The following LRP1B variants were observed in gnomAD, a reference collection of about 807,000 sequenced individuals.
The protein encoded by LRP1B is low-density lipoprotein receptor-related protein 1B.
LRP1B carries 217 observed loss-of-function variants against 556.6 expected under a neutral mutation model. The observed-to-expected ratio is 0.39, with a 90% CI of 0.35 to 0.44. The LOEUF is 0.44. LRP1B is among the 20% of genes least tolerant of loss of function. The pLI is 1.00. For missense variants in LRP1B, 5,053 were observed against 5,620.8 expected (o/e 0.90, Z 3.23); for synonymous variants, 2,047 against 1,865.8 (o/e 1.10, Z -2.50).
chr2:141,114,701 G>A lies in LRP1B; in HGVS notation c.1014-52428C>T, dbSNP rs555892548. 1.4e-3 allele frequency among the ~76,000 whole-genome samples: 208 copies of A among 152,180 alleles called. 1 individual carries two copies. Among genetic ancestry groups the A allele is most frequent in the Non-Finnish European group, 2.5e-3 (168 of 68,006 alleles). On this transcript the variant is annotated intron_variant, in intron 7 of 90. Transcript: ENST00000389484. Reference sequence around the variant, plus strand: ...ACAGGAATGCCTCTTCCCATTTAGGGCCATGGGTTTCCAGGCTTGAAGGTG... The same window carrying A: ...ACAGGAATGCCTCTTCCCATTTAGGACCATGGGTTTCCAGGCTTGAAGGTG...
At chr2:141,577,746 T>G (rs1463760038) in intron 2 of LRP1B, among the ~76,000 whole-genome samples, 1 of 152,214 alleles carries the variant, frequency 6.6e-6, no homozygotes, top group Non-Finnish European at 1.5e-5. Context: ...TGTATTAAAT[T>G]GTACTTTTGT....
intron 1 of LRP1B, among the ~76,000 whole-genome samples, chr2:141,828,559 T>C (rs1697010182): frequency 6.6e-6 from 1 of 152,102 alleles, no homozygotes; most frequent in South Asian, 2.1e-4. Flanking sequence ...TCAGGGTGCT[T>C]CCTAAAATCA....
chr2:140,727,273 G>A (rs779850887), intron 35 of LRP1B, among the ~76,000 whole-genome samples: 13 of 152,106 alleles, frequency 8.5e-5, no homozygotes, highest in East Asian at 5.8e-4. Context: ...CAAAACAAAC[G>A]TATTTTTATG....
chr2:140,500,879 T>C (rs921905640), intron 55 of LRP1B, among the ~76,000 whole-genome samples: 2 of 151,952 alleles, frequency 1.3e-5, no homozygotes, highest in Admixed American at 6.6e-5. Context: ...TAATTTTCAT[T>C]AGACTGCCTG....
chr2:141,392,798 C>T (rs1690102216), intron 3 of LRP1B, among the ~76,000 whole-genome samples: 1 of 152,186 alleles, frequency 6.6e-6, no homozygotes, highest in African/African-American at 2.4e-5. Context: ...ATCTTTCAAT[C>T]TGTCGAGTCA....
chr2:140,349,259 T>C (rs1681846954), intron 77 of LRP1B, among the ~76,000 whole-genome samples: 1 of 152,112 alleles, frequency 6.6e-6, no homozygotes, highest in Non-Finnish European at 1.5e-5. Context: ...GACTTTTCTC[T>C]GAAAAATTAT....
chr2:141,297,998 A>G (rs1686247475), intron 3 of LRP1B, among the ~76,000 whole-genome samples: 1 of 152,304 alleles, frequency 6.6e-6, no homozygotes, highest in Middle Eastern at 3.4e-3. Flanking sequence ...AAAATTGCCT[A>G]ACAATGCATT....
intron 86 of LRP1B, among the ~76,000 whole-genome samples, chr2:140,255,299 G>C (rs1681625360): frequency 6.6e-6 from 1 of 152,046 alleles, no homozygotes; most frequent in Admixed American, 6.6e-5. Context: ...AGCAGACAAT[G>C]CCCAAAAAAT....
chr2:141,409,858 T>A (rs962153452), intron 3 of LRP1B, among the ~76,000 whole-genome samples: 1 of 152,004 alleles, frequency 6.6e-6, no homozygotes, highest in South Asian at 2.1e-4. Context: ...AAAAGAAGGA[T>A]TAAGCCACAC....
intron 6 of LRP1B, among the ~76,000 whole-genome samples, chr2:141,217,089 CA>C (rs1682845878): frequency 6.6e-6 from 1 of 152,080 alleles, no homozygotes; most frequent in African/African-American, 2.4e-5. Context: ...TGATGTAGTT[CA>C]AATATATGTC....
intron 2 of LRP1B, among the ~76,000 whole-genome samples, chr2:141,577,932 A>G (rs771722164): frequency 6.6e-6 from 1 of 152,194 alleles, no homozygotes; most frequent in East Asian, 1.9e-4. Context: ...CTTAGACATA[A>G]TGATTTCCAG....
At chr2:140,960,837 C>T (rs559821162) in intron 18 of LRP1B, among the ~76,000 whole-genome samples, 3 of 152,050 alleles carry the variant, frequency 2.0e-5, no homozygotes, top group Admixed American at 6.6e-5. Flanking sequence ...CTATTTAAAA[C>T]ATCTAGCAAG....
intron 7 of LRP1B, among the ~76,000 whole-genome samples, chr2:141,163,362 G>C (rs1047045948): frequency 1.3e-5 from 2 of 151,998 alleles, no homozygotes; most frequent in Non-Finnish European, 2.9e-5. Context: ...GATATAATTT[G>C]AGTTAATGGC....
chr2:140,840,189 C>G (rs763368562), intron 30 of LRP1B, 104 bp from the exon 31 acceptor site: 1 of 640,820 alleles, frequency 1.6e-6, no homozygotes, highest in Non-Finnish European at 2.5e-6. Flanking sequence ...ATATTCTTGA[C>G]TCAGGATTAA....
chr2:141,774,248 A>G (rs1397342773), intron 2 of LRP1B, among the ~76,000 whole-genome samples: 1 of 152,194 alleles, frequency 6.6e-6, no homozygotes, highest in Non-Finnish European at 1.5e-5. Flanking sequence ...TTACAAGGAC[A>G]AAAGGTTTAT....
chr2:141,460,209 G>T (rs957182390), intron 3 of LRP1B, among the ~76,000 whole-genome samples: 6 of 152,030 alleles, frequency 3.9e-5, no homozygotes, highest in Admixed American at 2.6e-4. Flanking sequence ...ATCATCCAAG[G>T]TAATCAATTT....
chr2:141,115,458 G>GTTT (rs70991138), intron 7 of LRP1B, among the ~76,000 whole-genome samples: 55,931 of 119,994 alleles, frequency 0.47, 14,313 homozygotes, highest in Middle Eastern at 0.63. Context: ...TTTTGTTTTT[G>GTTT]TTTTTTTTTT....
At chr2:141,654,835 C>T (rs918589095) in intron 2 of LRP1B, among the ~76,000 whole-genome samples, 4 of 152,010 alleles carry the variant, frequency 2.6e-5, no homozygotes, top group Admixed American at 1.3e-4. Flanking sequence ...CTACACACAG[C>T]CAGAAGAGTT....
At chr2:142,011,349 C>T (rs1373549296) in intron 1 of LRP1B, among the ~76,000 whole-genome samples, 2 of 152,106 alleles carry the variant, frequency 1.3e-5, no homozygotes, top group Admixed American at 1.3e-4. Flanking sequence ...AGTTTTAATA[C>T]TCAATCATTT....
Sources: gnomAD v4.1 joint callset for allele counts (sites outside exome capture counted in the v4.1 genomes callset) on GRCh38, gnomAD v4.1.1 for gene constraint, MANE v1.5 for transcripts, NCBI Gene and HGNC (gene_info 2026-07-23, HGNC 2026-07-21) for gene names.